The following GMPPA variants were observed in gnomAD, a reference collection of about 807,000 sequenced individuals.
GMPPA encodes the protein mannose-1-phosphate guanylyltransferase regulatory subunit alpha.
Under a neutral mutation model 58.6 loss-of-function variants are expected in GMPPA, and 46 were observed. The ratio of observed to expected loss-of-function variants is 0.78; its 90% CI spans 0.62 to 1.00. The LOEUF (loss-of-function observed/expected upper bound fraction) is 1.00, where lower values mean the gene tolerates loss of function less well. Among genes scored for constraint, GMPPA ranks in the 50% least tolerant of loss-of-function variants. GMPPA has a pLI of 0.00. For missense variants in GMPPA, 468 were observed against 556.4 expected, an observed-to-expected ratio of 0.84 and a Z score of 1.60; for synonymous variants, 211 against 214.9, an observed-to-expected ratio of 0.98 and a Z score of 0.16.
At position 219,506,238 on chromosome 2, in the gene GMPPA, C is replaced by G; in HGVS notation, c.994-16C>G. 2 of 1,596,356 alleles carry G rather than the reference C, an allele frequency of 1.3e-6. No individual in the cohort carries two copies. The highest frequency in any genetic ancestry group is 1.7e-6 in the Non-Finnish European group (2 of 1,168,102). On this transcript the variant is annotated splice_polypyrimidine_tract_variant and intron_variant, in intron 11 of 12. Transcript: ENST00000313597. ...TCCTGCCTCTTCCCCTTACCTTTCA[C>G]TGTCCTCTTTGGCAGGAGCACACGT... is the stretch of plus-strand genomic sequence containing the variant.
At chr2:219,506,646 G>T in intron 12 of GMPPA, 52 bp from the exon 13 acceptor site, 1 of 1,113,254 alleles carries the variant, frequency 9.0e-7, no homozygotes, top group Non-Finnish European at 1.4e-6. Flanking sequence ...CCAGCTCCCT[G>T]CCCCTGTCTC....
At position 219,502,517 on chromosome 2, in the gene GMPPA, C is replaced by T; in HGVS notation, c.489+76C>T. The T allele has an allele frequency of 8.6e-7, 1 of 1,156,582 alleles. No individual in the cohort carries two copies. The highest frequency in any genetic ancestry group is 1.3e-6 in the Non-Finnish European group (1 of 773,084). The allele number at this position is 1,156,582 out of a possible 1,614,324, so 71.6% of individuals were successfully genotyped here. ...CTCTACCTCAGGCCTCTAGAGAATGCTGGCACAGTATGGGGTGGGCTCTAG... is the reference window on the plus strand; with the variant it reads ...CTCTACCTCAGGCCTCTAGAGAATGTTGGCACAGTATGGGGTGGGCTCTAG... On this transcript the variant is annotated intron_variant, in intron 6 of 12. Transcript: ENST00000313597. This position sits in a 1 kb window ranked among gnomAD's most constrained non-coding sequence, Gnocchi z 4.0.
In GMPPA at chr2:219,506,784, C is replaced by T; in HGVS notation, c.1249C>T (p.Gln417Ter). The change falls in exon 13 of 13, where the codon CAG (glutamine) becomes TAG (stop). Residue 417 changes from glutamine to a stop codon, truncating the protein, a stop_gained. Transcript: ENST00000313597. LOFTEE classifies it high-confidence loss of function. ...HKELSRSFTN[Q>*]IIL ...GGAGCTGAGCCGAAGCTTCACCAAC[C>T]AGATCATCCTCTGAGTAGGGCTGCC... is the stretch of plus-strand genomic sequence containing the variant. 1 of 1,542,008 alleles carries T rather than the reference C, an allele frequency of 6.5e-7. No homozygotes were observed. The highest frequency in any genetic ancestry group is 1.7e-5 in the Admixed American group (1 of 59,916).
Position 219,502,448 on chromosome 2 carries a change from G to A in GMPPA, c.489+7G>A. On this transcript the variant is annotated splice_region_variant and intron_variant, in intron 6 of 12. Coordinates refer to ENST00000313597, the MANE Select transcript of GMPPA (RefSeq NM_013335.4). This position sits in a 1 kb window ranked among gnomAD's most constrained non-coding sequence, Gnocchi z 4.0. ...GAATCCACAGACACACGAGGTGAGA[G>A]CAGAGTGGGGGCTGGGTGGGTGCCT... The A allele has an allele frequency of 2.5e-6, 4 of 1,611,976 alleles. No individual in the cohort carries two copies. In the South Asian group the frequency reaches 3.3e-5, roughly 13 times the overall value.
chr2:219,502,344 G>C lies in GMPPA; in HGVS notation c.430-38G>C, dbSNP rs1457771183. On this transcript the variant is annotated intron_variant, in intron 5 of 12. Coordinates refer to ENST00000313597, the MANE Select transcript of GMPPA (RefSeq NM_013335.4). This position sits in a 1 kb window ranked among gnomAD's most constrained non-coding sequence, Gnocchi z 4.0. Reference sequence around the variant, plus strand: ...AAAAAACAGACGTGGCTGCCCTGGAGCAGGCGGGTCACTGTCTCGGGTGTG... The same window carrying C: ...AAAAAACAGACGTGGCTGCCCTGGACCAGGCGGGTCACTGTCTCGGGTGTG... 6.3e-7 allele frequency: 1 copy of C among 1,584,844 alleles called. No individual in the cohort carries two copies. Among genetic ancestry groups the C allele is most frequent in the African/African-American group, 1.3e-5 (1 of 74,354 alleles).
chr2:219,504,876 T>G, intron 7 of GMPPA: 2 of 1,111,544 alleles, frequency 1.8e-6, no homozygotes, highest in East Asian at 5.9e-5. Flanking sequence ...GGGGTGAGTC[T>G]GTCTGTGTTT....
rs1288655494 is a variant in GMPPA, at chr2:219,506,079, A to G, written c.993+7A>G. On this transcript the variant is annotated splice_region_variant and intron_variant, in intron 11 of 12. Transcript: ENST00000313597. ...CCATGGAGCCACTTTGCAGGTAGGT[A>G]CCAGCATACACAGCAGCATGTGACA... The G allele has an allele frequency of 6.4e-7, 1 of 1,560,456 alleles. No individual in the cohort carries two copies. Among genetic ancestry groups the G allele is most frequent in the Middle Eastern group, 1.7e-4 (1 of 5,914 alleles).
intron 10 of GMPPA, 91 bp from the exon 11 acceptor site, chr2:219,505,889 G>T (rs889813529): frequency 1.8e-5 from 21 of 1,142,798 alleles, no homozygotes; most frequent in Non-Finnish European, 2.4e-5. Flanking sequence ...CCTCGAGCAG[G>T]TCACTTATGC....
intron 3 of GMPPA, chr2:219,500,470 G>T: frequency 1.8e-6 from 1 of 551,102 alleles, no homozygotes; most frequent in Non-Finnish European, 3.3e-6. Flanking sequence ...GTGAGATCAG[G>T]CAAGGATCTT....
intron 6 of GMPPA, among the ~76,000 whole-genome samples, chr2:219,503,689 G>A (rs1362094740): frequency 2.0e-5 from 3 of 152,200 alleles, no homozygotes; most frequent in African/African-American, 7.2e-5. Context: ...GCCCAGGCAT[G>A]AACAGCTAAC....
In GMPPA at chr2:219,505,504, A is replaced by G. The variant is rs567590952; in HGVS notation, c.802A>G (p.Thr268Ala). Reference protein sequence around the residue: ...SRLYLSRYQDTHPERLAKHTP... With the variant: ...SRLYLSRYQDAHPERLAKHTP... The stretch of plus-strand genomic sequence containing the variant: ...CCTCTACCTGAGCCGATACCAGGAC[A>G]CTCACCCAGAACGGCTGGCCAAGCA... The change falls in exon 9 of 13, where the codon ACT (threonine) becomes GCT (alanine). Residue 268 changes from threonine to alanine, a missense_variant. By Grantham distance (58) the Thr-to-Ala change is moderately conservative (BLOSUM62 0). Coordinates refer to ENST00000313597, the MANE Select transcript of GMPPA (RefSeq NM_013335.4). 6.4e-5 allele frequency: 101 copies of G among 1,578,534 alleles called. No homozygotes were observed. The South Asian group carries it at 9.2e-4, about 14-fold the overall frequency.
In GMPPA at chr2:219,505,532, C is replaced by A. The variant is rs1423838720; in HGVS notation, c.830C>A (p.Thr277Asn). ...CACCCAGAACGGCTGGCCAAGCACACCCCAGGGGGCCCATGGATCCGAGGT... is the reference window on the plus strand; with the variant it reads ...CACCCAGAACGGCTGGCCAAGCACAACCCAGGGGGCCCATGGATCCGAGGT... The part of the protein sequence containing the change: ...DTHPERLAKH[T>N]PGGPWIRGNV... Residue 277 changes from threonine (T) to asparagine (N), a missense_variant, in exon 9 of 13, where the codon ACC becomes AAC. Coordinates refer to ENST00000313597, the MANE Select transcript of GMPPA (RefSeq NM_013335.4). 2 of 1,567,686 alleles carry A rather than the reference C, an allele frequency of 1.3e-6. No homozygotes were observed. The highest frequency in any genetic ancestry group is 1.7e-6 in the Non-Finnish European group (2 of 1,156,350).
At chr2:219,505,038 A>AGG in intron 7 of GMPPA, 190 bp from the exon 8 acceptor site, 1 of 814,688 alleles carries the variant, frequency 1.2e-6, no homozygotes, top group African/African-American at 1.7e-5. Context: ...CACCCACCCA[A>AGG]GTGGGGGCTG....
At chr2:219,504,008 C>G in intron 6 of GMPPA, 75 bp from the exon 7 acceptor site, 2 of 1,553,572 alleles carry the variant, frequency 1.3e-6, no homozygotes, top group Non-Finnish European at 1.8e-6. Flanking sequence ...CAAGAAGGGC[C>G]TAGAAATCAG....
chr2:219,504,898 A>G (rs1386716558), intron 7 of GMPPA: 29 of 1,130,602 alleles, frequency 2.6e-5, no homozygotes, highest in Middle Eastern at 3.8e-4. Flanking sequence ...ATTCCATCCA[A>G]TGAGGGGGAG....
At chr2:219,504,933 T>C in intron 7 of GMPPA, 2 of 1,039,986 alleles carry the variant, frequency 1.9e-6, no homozygotes, top group Non-Finnish European at 2.5e-6. Context: ...GGTAAAGGGC[T>C]GAATGGGGAT....
chr2:219,501,885 G>T lies in GMPPA; in HGVS notation c.277G>T (p.Gly93Cys), dbSNP rs1694406255. The T allele has an allele frequency of 1.2e-6, 2 of 1,614,166 alleles. No individual in the cohort carries two copies. Among genetic ancestry groups the T allele is most frequent in the Non-Finnish European group, 1.7e-6 (2 of 1,180,014 alleles). Residue 93 changes from glycine (G) to cysteine (C), a missense_variant, in exon 5 of 13, where the codon GGT becomes TGT. Gly to Cys is a radical substitution (Grantham distance 159). Transcript: ENST00000313597. Reference sequence around the variant, plus strand: ...GGAATTTGCCCCCCTAGGCACAGGGGGTGGTCTTTACCATTTTCGAGACCA... The same window carrying T: ...GGAATTTGCCCCCCTAGGCACAGGGTGTGGTCTTTACCATTTTCGAGACCA... The part of the protein sequence containing the change: ...LQEFAPLGTG[G>C]GLYHFRDQIL...
Position 219,506,901 on chromosome 2 carries a change from T to G in GMPPA, c.*103T>G. On this transcript the variant is annotated 3_prime_UTR_variant, in exon 13 of 13. Transcript: ENST00000313597. Reference sequence around the variant, plus strand: ...AAGGACCAGAGAAAGCCAGGCTGGATCGTCACATGCCGGGGAGCAATGTGG... The same window carrying G: ...AAGGACCAGAGAAAGCCAGGCTGGAGCGTCACATGCCGGGGAGCAATGTGG... 1.5e-6 allele frequency: 1 copy of G among 685,724 alleles called. No individual in the cohort carries two copies. The highest frequency in any genetic ancestry group is 2.7e-6 in the Non-Finnish European group (1 of 373,674). The allele number at this position is 685,724 out of a possible 1,614,324, so 42.5% of individuals were successfully genotyped here.
At chr2:219,505,405 G>T in intron 8 of GMPPA, 43 bp downstream of exon 8, 1 of 1,610,602 alleles carries the variant, frequency 6.2e-7, no homozygotes, top group Non-Finnish European at 8.5e-7. Context: ...TTTTGGGGTG[G>T]TGGGCACAGG....
Sources: allele counts gnomAD v4.1 joint callset (sites outside exome capture counted in the v4.1 genomes callset), GRCh38; gene constraint gnomAD v4.1.1; non-coding constraint Gnocchi (gnomAD v3.1); transcripts MANE v1.5; gene names NCBI Gene and HGNC (gene_info 2026-07-23, HGNC 2026-07-21).